UNC13B: variants seen among roughly 807,000 people sequenced by gnomAD.
UNC13B encodes the protein unc-13 homolog B, also known as protein unc-13 homolog B.
UNC13B carries 144 observed loss-of-function variants against 211.0 expected under a neutral mutation model. The ratio of observed to expected loss-of-function variants is 0.68; its 90% CI spans 0.60 to 0.78. UNC13B has a LOEUF of 0.78. Ranked by LOEUF, UNC13B falls within the 30% of genes least tolerant of loss-of-function variation. The pLI is 0.00. For synonymous variants in UNC13B, 709 were observed against 725.8 expected (o/e 0.98, Z 0.37); for missense variants, 1,777 against 2,002.0 (o/e 0.89, Z 2.14).
intron 6 of UNC13B, 88 bp downstream of exon 6, chr9:35,243,452 T>C: frequency 7.4e-7 from 1 of 1,343,656 alleles, no homozygotes; most frequent in South Asian, 1.2e-5. Flanking sequence ...CCCAAGAGCA[T>C]GTTGTCCTGA....
At chr9:35,244,131 A>C (rs1825955752) in intron 6 of UNC13B, among the ~76,000 whole-genome samples, 1 of 152,120 alleles carries the variant, frequency 6.6e-6, no homozygotes, top group Non-Finnish European at 1.5e-5. Context: ...CAGGAACAAA[A>C]TCTTGGGAAA....
At position 35,253,559 on chromosome 9, in the gene UNC13B, A is replaced by G. The variant is rs145804231; in HGVS notation, c.469-5434A>G. ...TTAAGATTTCATCATACTTGCTGCA[A>G]AATCATTTTAAAAATACAATATAGA... On this transcript the variant is annotated intron_variant, in intron 6 of 39. Coordinates refer to ENST00000635942, the MANE Select transcript of UNC13B (RefSeq NM_001371189.2). Among the ~76,000 whole-genome samples, 896 of 152,298 alleles carry G rather than the reference A, an allele frequency of 5.9e-3. 8 individuals are homozygous for G. The highest frequency in any genetic ancestry group is 8.1e-3 in the Non-Finnish European group (549 of 68,024).
At chr9:35,256,740 A>G (rs563621551) in intron 6 of UNC13B, among the ~76,000 whole-genome samples, 1 of 152,340 alleles carries the variant, frequency 6.6e-6, no homozygotes, top group South Asian at 2.1e-4. Context: ...ATACATACAT[A>G]TTCACATATG....
intron 14 of UNC13B, among the ~76,000 whole-genome samples, chr9:35,375,434 T>C (rs1426904830): frequency 2.6e-5 from 4 of 152,204 alleles, no homozygotes; most frequent in African/African-American, 9.7e-5. Flanking sequence ...ACCACTGAAC[T>C]CAAGGTTTTA....
At chr9:35,192,014 CT>C (rs1231186740) in intron 1 of UNC13B, among the ~76,000 whole-genome samples, 1 of 152,186 alleles carries the variant, frequency 6.6e-6, no homozygotes, top group African/African-American at 2.4e-5. Flanking sequence ...AACAATAATC[CT>C]TATCCCTTTT....
chr9:35,236,330 G>T (rs914162594), intron 3 of UNC13B, 139 bp from the exon 4 acceptor site: 2 of 662,438 alleles, frequency 3.0e-6, no homozygotes, highest in South Asian at 4.2e-5. Flanking sequence ...AAAAATGGTC[G>T]TGGCATTCTG....
chr9:35,384,016 G>A (rs1458964140), intron 21 of UNC13B, among the ~76,000 whole-genome samples: 1 of 152,208 alleles, frequency 6.6e-6, no homozygotes, highest in Non-Finnish European at 1.5e-5. Context: ...CCTTGTCAGT[G>A]TGAGATTTCC....
intron 11 of UNC13B, chr9:35,351,825 A>T: frequency 8.1e-7 from 1 of 1,232,246 alleles, no homozygotes; most frequent in Non-Finnish European, 1.0e-6. Flanking sequence ...GGTTCTCAGG[A>T]TCCCTCATCT....
At chr9:35,386,019 A>T in intron 23 of UNC13B, 146 bp from the exon 24 acceptor site, 1 of 1,447,552 alleles carries the variant, frequency 6.9e-7, no homozygotes, top group East Asian at 2.3e-5. Context: ...TTCCCTGTCA[A>T]CTATCCTGGC....
At chr9:35,251,884 G>A (rs1005976189) in intron 6 of UNC13B, among the ~76,000 whole-genome samples, 5 of 152,120 alleles carry the variant, frequency 3.3e-5, no homozygotes, top group African/African-American at 1.2e-4. Context: ...TAGAGATGGT[G>A]TTTCACCATT....
At chr9:35,326,085 C>T (rs529222549) in intron 11 of UNC13B, among the ~76,000 whole-genome samples, 157 of 152,178 alleles carry the variant, frequency 1.0e-3, no homozygotes, top group Non-Finnish European at 1.7e-3. Context: ...TTTTACCTTC[C>T]CATCAGCAGT....
At chr9:35,279,990 C>T (rs1229734035) in intron 7 of UNC13B, among the ~76,000 whole-genome samples, 1 of 152,090 alleles carries the variant, frequency 6.6e-6, no homozygotes, top group Non-Finnish European at 1.5e-5. Context: ...TTTTCTGATT[C>T]CCCAAAAAGA....
intron 1 of UNC13B, among the ~76,000 whole-genome samples, chr9:35,172,705 A>T (rs1821397696): frequency 6.6e-6 from 1 of 152,262 alleles, no homozygotes; most frequent in South Asian, 2.1e-4. Flanking sequence ...ATGTCCAGAA[A>T]TAATTATCCA....
rs530372155 is a variant in UNC13B at position 35,352,921 on chromosome 9, C to T, written c.9415-14026C>T. On this transcript the variant is annotated intron_variant, in intron 11 of 39. Coordinates refer to ENST00000635942, the MANE Select transcript of UNC13B (RefSeq NM_001371189.2). ...TAGGAAAACCAGAAAATGACTGCCA[C>T]GATAAAAGTGAGGCCAGCAGCTGCC... 5.8e-5 allele frequency: 71 copies of T among 1,232,078 alleles called. No homozygotes were observed. In the South Asian group the frequency reaches 9.5e-4, roughly 16 times the overall value. The allele number at this position is 1,232,078 out of a possible 1,614,324, so 76.3% of individuals were successfully genotyped here. A position where few individuals can be genotyped will look rare whatever the true frequency, so the allele number is the denominator to read the frequency against.
chr9:35,326,045 G>A (rs1042768435), intron 11 of UNC13B, among the ~76,000 whole-genome samples: 2 of 152,118 alleles, frequency 1.3e-5, no homozygotes, highest in Admixed American at 6.6e-5. Flanking sequence ...TTGAGAAACC[G>A]CCAGACTGTT....
rs559732735 is a variant in UNC13B, at chr9:35,250,435, G to T, written c.468+7071G>T. ...GAAATTATATAACATGTGGTCCTTT[G>T]TTTTCTTTCACTTAGCATAATGTTT... On this transcript the variant is annotated intron_variant, in intron 6 of 39. Transcript: ENST00000635942. Among the ~76,000 whole-genome samples the T allele has an allele frequency of 1.1e-3, 167 of 152,162 alleles. 1 individual carries two copies. The highest frequency in any genetic ancestry group is 1.9e-4 in the Non-Finnish European group (13 of 67,992).
intron 11 of UNC13B, among the ~76,000 whole-genome samples, chr9:35,336,829 A>G (rs1423958157): frequency 6.6e-6 from 1 of 152,202 alleles, no homozygotes; most frequent in East Asian, 1.9e-4. Context: ...AACCCATTAC[A>G]GGTACCAAAG....
rs750588747 is a variant in UNC13B at position 35,376,220 on chromosome 9, G to T, written c.9808G>T (p.Asp3270Tyr). The T allele has an allele frequency of 3.7e-6, 6 of 1,613,874 alleles. No individual in the cohort carries two copies. In the South Asian group the frequency reaches 6.6e-5, roughly 18 times the overall value. Residue 3270 changes from aspartate to tyrosine, a missense_variant, in exon 15 of 40, where the codon GAT (aspartate) becomes TAT (tyrosine). Coordinates refer to ENST00000635942, the MANE Select transcript of UNC13B (RefSeq NM_001371189.2). Reference sequence around the variant, plus strand: ...AGTCAAGTGCCATGAGAAGTGCCAGGATCTGCTCAATGCTGACTGCCTGCA... The same window carrying T: ...AGTCAAGTGCCATGAGAAGTGCCAGTATCTGCTCAATGCTGACTGCCTGCA... ...CGVKCHEKCQ[D>Y]LLNADCLQRA...
At chr9:35,344,679 G>A (rs1416500000) in intron 11 of UNC13B, among the ~76,000 whole-genome samples, 1 of 152,100 alleles carries the variant, frequency 6.6e-6, no homozygotes, top group East Asian at 1.9e-4. Context: ...TCTCATTCTA[G>A]GTCAAGGGTA....
Sources: gnomAD v4.1 joint callset for allele counts (sites outside exome capture counted in the v4.1 genomes callset) on GRCh38, gnomAD v4.1.1 for gene constraint, MANE v1.5 for transcripts, NCBI Gene and HGNC (gene_info 2026-07-23, HGNC 2026-07-21) for gene names.